Variants in SUCLG2 observed in about 807,000 individuals in gnomAD.
SUCLG2 encodes succinate-CoA ligase GDP-forming subunit beta.
In SUCLG2, 42 loss-of-function variants were observed where a neutral mutation model predicts 47.9. That is an observed-to-expected ratio of 0.88 (90% CI 0.69 to 1.14). The LOEUF (loss-of-function observed/expected upper bound fraction) is 1.14. Among genes scored for constraint, SUCLG2 ranks in the 50% most tolerant of loss-of-function variants. The pLI, the probability that SUCLG2 is intolerant of heterozygous loss-of-function variation, is 0.00. For synonymous variants in SUCLG2, 195 were observed against 197.3 expected, an observed-to-expected ratio of 0.99 and a Z score of 0.10; for missense variants, 571 against 525.9, an observed-to-expected ratio of 1.09 and a Z score of -0.84.
At chr3:67,425,923 T>C (rs1405347282) in intron 9 of SUCLG2, among the ~76,000 whole-genome samples, 1 of 152,228 alleles carries the variant, frequency 6.6e-6, no homozygotes, top group Non-Finnish European at 1.5e-5. Flanking sequence ...TTGTAAAATA[T>C]TACTATAAGC....
intron 1 of SUCLG2, among the ~76,000 whole-genome samples, chr3:67,626,575 C>T (rs1425096932): frequency 3.3e-5 from 5 of 152,010 alleles, no homozygotes; most frequent in Middle Eastern, 3.2e-3. Context: ...GAAGAACTAA[C>T]GCTGAAGGAG....
At chr3:67,593,219 T>C (rs1575802691) in intron 2 of SUCLG2, among the ~76,000 whole-genome samples, 1 of 152,218 alleles carries the variant, frequency 6.6e-6, no homozygotes, top group Admixed American at 6.5e-5. Context: ...TAACTAAAAG[T>C]TGTTATTCTA....
At chr3:67,652,371 C>G (rs550896625) in intron 1 of SUCLG2, among the ~76,000 whole-genome samples, 2 of 152,110 alleles carry the variant, frequency 1.3e-5, no homozygotes, top group African/African-American at 2.4e-5. Context: ...AGGTCTGGGC[C>G]AAGAGTGGCA....
intron 10 of SUCLG2, among the ~76,000 whole-genome samples, chr3:67,387,331 A>T (rs142793801): frequency 3.3e-5 from 5 of 152,324 alleles, no homozygotes; most frequent in Non-Finnish European, 4.4e-5. Context: ...GACTGTTTTC[A>T]GGGTCAAAGT....
At chr3:67,374,359 G>C (rs545877466), downstream of SUCLG2, among the ~76,000 whole-genome samples, 1 of 152,288 alleles carries the variant, frequency 6.6e-6, no homozygotes, top group South Asian at 2.1e-4. Flanking sequence ...AAATAGTTTG[G>C]TCTACTACAT....
At chr3:67,416,562 T>A (rs1703044095) in intron 9 of SUCLG2, among the ~76,000 whole-genome samples, 1 of 152,214 alleles carries the variant, frequency 6.6e-6, no homozygotes, top group South Asian at 2.1e-4. Flanking sequence ...GAATCTTATT[T>A]CTCTGACATG....
At chr3:67,616,554 T>A (rs953391158) in intron 1 of SUCLG2, among the ~76,000 whole-genome samples, 25 of 152,154 alleles carry the variant, frequency 1.6e-4, no homozygotes, top group African/African-American at 3.4e-4. Context: ...TTAAAAAAAT[T>A]TTTTTAATAA....
At chr3:67,495,434 C>T (rs1295232794) in intron 9 of SUCLG2, among the ~76,000 whole-genome samples, 1 of 152,020 alleles carries the variant, frequency 6.6e-6, no homozygotes, top group African/African-American at 2.4e-5. Context: ...GCGGGCAGAC[C>T]ACGAGGTAGG....
At chr3:67,609,187 C>G (rs1407847377) in intron 2 of SUCLG2, among the ~76,000 whole-genome samples, 1 of 152,220 alleles carries the variant, frequency 6.6e-6, no homozygotes, top group African/African-American at 2.4e-5. Flanking sequence ...CACATCTCCT[C>G]CCAGGTCAGC....
intron 10 of SUCLG2, among the ~76,000 whole-genome samples, chr3:67,381,040 G>A (rs988825980): frequency 2.0e-5 from 3 of 152,048 alleles, no homozygotes; most frequent in Non-Finnish European, 4.4e-5. Flanking sequence ...GAAACCAGCT[G>A]GGCATGGTGG....
At chr3:67,505,578 C>A (rs1348374668) in intron 7 of SUCLG2, among the ~76,000 whole-genome samples, 1 of 152,168 alleles carries the variant, frequency 6.6e-6, no homozygotes, top group African/African-American at 2.4e-5. Context: ...AACACGGCAT[C>A]ACTTGTTGTA....
intron 7 of SUCLG2, among the ~76,000 whole-genome samples, chr3:67,502,857 T>C (rs12492824): frequency 0.03 from 4,603 of 152,314 alleles, 108 homozygotes; most frequent in East Asian, 0.091. Context: ...GTTGGCATTT[T>C]AGGCATCATA....
At chr3:67,625,813 C>T (rs1700815867) in intron 1 of SUCLG2, among the ~76,000 whole-genome samples, 1 of 152,026 alleles carries the variant, frequency 6.6e-6, no homozygotes, top group Non-Finnish European at 1.5e-5. Flanking sequence ...ACAGTGGGGA[C>T]ACAGAAAGGA....
intron 1 of SUCLG2, among the ~76,000 whole-genome samples, chr3:67,617,491 T>C (rs1173514546): frequency 6.6e-6 from 1 of 152,252 alleles, no homozygotes. Context: ...ATGTTCAGGC[T>C]AAAGAGTAGT....
intron 9 of SUCLG2, chr3:67,408,653 T>G: frequency 9.2e-7 from 1 of 1,092,008 alleles, no homozygotes; most frequent in Non-Finnish European, 1.1e-6. Flanking sequence ...GTCTATTCTC[T>G]TCTTCCTAAA....
At position 67,419,719 on chromosome 3, in the gene SUCLG2, A is replaced by G. The variant is rs139613510; in HGVS notation, c.1063-18868T>C. Among the ~76,000 whole-genome samples, 6 of 152,306 alleles carry G rather than the reference A, an allele frequency of 3.9e-5. No individual in the cohort carries two copies. The East Asian group carries it at 1.2e-3, about 29-fold the overall frequency. ...AATAAGGCTTCTCCAAATAAGTGTC[A>G]AACTATTATGATTTACAATGATTTA... On this transcript the variant is annotated intron_variant, in intron 9 of 10. Coordinates refer to ENST00000307227, the MANE Select transcript of SUCLG2 (RefSeq NM_003848.4).
intron 6 of SUCLG2, among the ~76,000 whole-genome samples, chr3:67,516,695 T>C (rs1575748598): frequency 6.6e-6 from 1 of 152,222 alleles, no homozygotes; most frequent in African/African-American, 2.4e-5. Flanking sequence ...GTGAGTAGGA[T>C]GGACAAAGTC....
chr3:67,458,990 G>A (rs949354101), intron 9 of SUCLG2, among the ~76,000 whole-genome samples: 3 of 152,064 alleles, frequency 2.0e-5, no homozygotes, highest in Admixed American at 6.6e-5. Flanking sequence ...AGAGAAAAGG[G>A]GCTTTTTTAT....
chr3:67,566,298 C>T (rs989995934), intron 2 of SUCLG2, among the ~76,000 whole-genome samples: 5 of 151,940 alleles, frequency 3.3e-5, no homozygotes, highest in African/African-American at 4.8e-5. Context: ...TGGTTAAGTA[C>T]GTTTTAATTC....
Sources: gnomAD v4.1 joint callset for allele counts (sites outside exome capture counted in the v4.1 genomes callset) on GRCh38, gnomAD v4.1.1 for gene constraint, MANE v1.5 for transcripts, NCBI Gene and HGNC (gene_info 2026-07-23, HGNC 2026-07-21) for gene names.